NTM: variants seen among roughly 807,000 people sequenced by gnomAD.
The protein encoded by NTM is IgLON family member 2.
Under a neutral mutation model 42.1 loss-of-function variants are expected in NTM, and 13 were observed. The ratio of observed to expected loss-of-function variants is 0.31; its 90% CI spans 0.20 to 0.49. NTM has a LOEUF of 0.49. Ranked by LOEUF, NTM falls within the 20% of genes least tolerant of loss-of-function variation. The pLI, the probability that NTM is intolerant of heterozygous loss-of-function variation, is 0.99. For missense variants in NTM, 373 were observed against 452.8 expected (o/e 0.82, Z 1.60); for synonymous variants, 187 against 179.2 (o/e 1.04, Z -0.35).
chr11:132,320,563 T>A (rs2095539476), intron 7 of NTM, among the ~76,000 whole-genome samples: 1 of 152,188 alleles, frequency 6.6e-6, no homozygotes, highest in Admixed American at 6.5e-5. Flanking sequence ...CACAGCAGTC[T>A]GACATCAAAC....
intron 1 of NTM, among the ~76,000 whole-genome samples, chr11:131,792,526 C>A (rs2091074101): frequency 6.6e-6 from 1 of 152,184 alleles, no homozygotes; most frequent in Non-Finnish European, 1.5e-5. Flanking sequence ...AATAATCAAA[C>A]CTCATGTGAT....
chr11:131,870,825 T>C (rs1451753109), intron 1 of NTM, among the ~76,000 whole-genome samples: 1 of 152,138 alleles, frequency 6.6e-6, no homozygotes, highest in Non-Finnish European at 1.5e-5. Context: ...CAAAAAAAGC[T>C]TATCTTCGGT....
chr11:131,522,118 A>T (rs388076), intron 1 of NTM, among the ~76,000 whole-genome samples: 32,291 of 152,116 alleles, frequency 0.21, 3,710 homozygotes, highest in African/African-American at 0.3. Flanking sequence ...ACTGCTAATC[A>T]GCTTCGTCAA....
At chr11:131,916,625 C>T (rs977553158) in intron 2 of NTM, among the ~76,000 whole-genome samples, 3 of 152,186 alleles carry the variant, frequency 2.0e-5, no homozygotes, top group Non-Finnish European at 4.4e-5. Context: ...GCACTTTGCT[C>T]ATGTCATGTA....
chr11:131,812,183 CCTCTCTCTCT>C (rs145003478), intron 1 of NTM, among the ~76,000 whole-genome samples: 7 of 142,956 alleles, frequency 4.9e-5, no homozygotes, highest in Middle Eastern at 3.3e-3. Flanking sequence ...AATTAGTCAG[CCTCTCTCTCT>C]CTCTCTCTCT....
At chr11:131,451,147 A>G (rs1196288844) in intron 1 of NTM, among the ~76,000 whole-genome samples, 3 of 152,240 alleles carry the variant, frequency 2.0e-5, no homozygotes. Context: ...TATACATGCC[A>G]AGAAAGAAAA....
intron 3 of NTM, among the ~76,000 whole-genome samples, chr11:132,160,252 T>G (rs1451850065): frequency 6.6e-6 from 1 of 152,180 alleles, no homozygotes; most frequent in African/African-American, 2.4e-5. Flanking sequence ...CAAATGAATT[T>G]TTCGTGCAAA....
chr11:132,254,927 T>C (rs2092347468), intron 4 of NTM, among the ~76,000 whole-genome samples: 1 of 152,188 alleles, frequency 6.6e-6, no homozygotes, highest in Non-Finnish European at 1.5e-5. Context: ...ACCCACTAGA[T>C]AGCAGTAACA....
intron 3 of NTM, among the ~76,000 whole-genome samples, chr11:132,194,744 G>A (rs1382382688): frequency 6.7e-5 from 10 of 148,954 alleles, no homozygotes; most frequent in Admixed American, 6.7e-4. Context: ...AAGCCTCCTA[G>A]AACTGATAAA....
chr11:131,924,549 A>C (rs2057689900), intron 2 of NTM, among the ~76,000 whole-genome samples: 1 of 152,178 alleles, frequency 6.6e-6, no homozygotes, highest in Non-Finnish European at 1.5e-5. Context: ...AGCTCTGTGT[A>C]GGTTGGCCCA....
At position 132,153,066 on chromosome 11, in the gene NTM, C is replaced by A. The variant is rs78749798; in HGVS notation, c.400+6552C>A. Among the ~76,000 whole-genome samples the A allele has an allele frequency of 6.6e-5, 10 of 152,282 alleles. No individual in the cohort carries two copies. The South Asian group carries it at 2.1e-3, about 32-fold the overall frequency. On this transcript the variant is annotated intron_variant, in intron 3 of 8. Transcript: ENST00000683400. Reference sequence around the variant, plus strand: ...AGCACTTACAGAAGTCAGGCAACATCTCTCCAGGTAAGCAGTTAGGGCTCC... The same window carrying A: ...AGCACTTACAGAAGTCAGGCAACATATCTCCAGGTAAGCAGTTAGGGCTCC...
intron 2 of NTM, chr11:132,141,208 GTTCTCTCTCTCT>G (rs958989592): frequency 3.3e-5 from 5 of 149,746 alleles, no homozygotes; most frequent in East Asian, 2.0e-4. Flanking sequence ...CAATTCCCAG[GTTCTCTCTCTCT>G]TTCTCTCTCT....
At chr11:131,926,347 G>A (rs540608528) in intron 2 of NTM, among the ~76,000 whole-genome samples, 1 of 152,258 alleles carries the variant, frequency 6.6e-6, no homozygotes, top group African/African-American at 2.4e-5. Flanking sequence ...TCACATGGTG[G>A]AAAGTATTGG....
At chr11:132,113,514 C>T (rs1029552439) in intron 2 of NTM, among the ~76,000 whole-genome samples, 4 of 152,104 alleles carry the variant, frequency 2.6e-5, no homozygotes, top group African/African-American at 7.2e-5. Flanking sequence ...TGGAAGACCC[C>T]GACAGCTCTG....
chr11:131,733,659 C>T (rs987464855), intron 1 of NTM, among the ~76,000 whole-genome samples: 1 of 152,092 alleles, frequency 6.6e-6, no homozygotes, highest in Non-Finnish European at 1.5e-5. Context: ...CCTAAGCCTC[C>T]CAAGTGGCTG....
At chr11:131,733,851 T>C (rs973505353) in intron 1 of NTM, among the ~76,000 whole-genome samples, 12 of 152,294 alleles carry the variant, frequency 7.9e-5, no homozygotes, top group Middle Eastern at 3.4e-3. Context: ...AATGTTATTT[T>C]CATAGCTGCA....
intron 3 of NTM, among the ~76,000 whole-genome samples, chr11:132,152,224 CATGCCCTTCT>C (rs1219390619): frequency 2.6e-5 from 4 of 152,218 alleles, no homozygotes; most frequent in Non-Finnish European, 5.9e-5. Flanking sequence ...CAGAAAGCAC[CATGCCCTTCT>C]GGCAGGACAA....
At chr11:132,319,830 T>C (rs2095519304) in intron 7 of NTM, among the ~76,000 whole-genome samples, 1 of 152,136 alleles carries the variant, frequency 6.6e-6, no homozygotes. Flanking sequence ...CTCCAGTGGG[T>C]CCCTGACCCC....
chr11:131,858,550 C>T (rs1235533684), intron 1 of NTM, among the ~76,000 whole-genome samples: 1 of 152,168 alleles, frequency 6.6e-6, no homozygotes, highest in African/African-American at 2.4e-5. Flanking sequence ...AGGTTTTCCG[C>T]ACGCTGGTGG....
Sources: gnomAD v4.1 joint callset for allele counts (sites outside exome capture counted in the v4.1 genomes callset) on GRCh38, gnomAD v4.1.1 for gene constraint, MANE v1.5 for transcripts, NCBI Gene and HGNC (gene_info 2026-07-23, HGNC 2026-07-21) for gene names.